The following NCKAP5 variants were observed in gnomAD, a reference collection of about 807,000 sequenced individuals.
NCKAP5 encodes nck-associated protein 5.
Under a neutral mutation model 167.0 loss-of-function variants are expected in NCKAP5, and 92 were observed. That is an observed-to-expected ratio of 0.55 (90% CI 0.47 to 0.66). NCKAP5 has a LOEUF of 0.66. Ranked by LOEUF, NCKAP5 falls within the 30% of genes least tolerant of loss-of-function variation. NCKAP5 has a pLI of 0.00. For synonymous variants in NCKAP5, 891 were observed against 877.4 expected (o/e 1.02, Z -0.27); for missense variants, 2,378 against 2,315.0 (o/e 1.03, Z -0.56).
intron 11 of NCKAP5, among the ~76,000 whole-genome samples, chr2:132,839,350 A>T (rs1236425355): frequency 1.3e-5 from 2 of 152,220 alleles, no homozygotes; most frequent in East Asian, 3.8e-4. Context: ...GTGGTACAAG[A>T]TAACCAGTTA....
At chr2:132,843,948 A>G (rs896104546) in intron 11 of NCKAP5, among the ~76,000 whole-genome samples, 3 of 151,966 alleles carry the variant, frequency 2.0e-5, no homozygotes, top group Admixed American at 2.0e-4. Flanking sequence ...CCTTTCCCCA[A>G]TCTGGTAGGT....
At position 133,372,718 on chromosome 2, in the gene NCKAP5, G is replaced by A. The variant is rs573570245; in HGVS notation, c.70-69608C>T. ...GTATAGTGGTAGATTTTAGGACCCAGATTTCTACCTCTTACAGAATGAGTA... is the reference window on the plus strand; with the variant it reads ...GTATAGTGGTAGATTTTAGGACCCAAATTTCTACCTCTTACAGAATGAGTA... On this transcript the variant is annotated intron_variant, in intron 3 of 19. Transcript: ENST00000409261. 2.0e-5 allele frequency among the ~76,000 whole-genome samples: 3 copies of A among 152,302 alleles called. No individual in the cohort carries two copies. In the South Asian group the frequency reaches 6.2e-4, roughly 32 times the overall value.
intron 8 of NCKAP5, among the ~76,000 whole-genome samples, chr2:132,945,384 G>A (rs1697633415): frequency 6.6e-6 from 1 of 152,156 alleles, no homozygotes; most frequent in Non-Finnish European, 1.5e-5. Context: ...ACAAGGGGAT[G>A]TGGCCACAGT....
At chr2:133,405,006 C>G (rs965780688) in intron 3 of NCKAP5, among the ~76,000 whole-genome samples, 1 of 152,194 alleles carries the variant, frequency 6.6e-6, no homozygotes, top group African/African-American at 2.4e-5. Flanking sequence ...GACCTAAACT[C>G]TCTAGTGTAG....
chr2:133,491,522 G>A (rs539822455), intron 3 of NCKAP5, among the ~76,000 whole-genome samples: 22 of 152,312 alleles, frequency 1.4e-4, no homozygotes, highest in African/African-American at 4.6e-4. Flanking sequence ...AGGAACAGCA[G>A]AGGGCAATGG....
intron 6 of NCKAP5, among the ~76,000 whole-genome samples, chr2:133,107,111 G>A (rs914125087): frequency 6.6e-6 from 1 of 152,048 alleles, no homozygotes; most frequent in African/African-American, 2.4e-5. Context: ...GAGTCAGAAG[G>A]GATCATCTAA....
At chr2:132,693,351 G>C (rs1259489975) in intron 19 of NCKAP5, among the ~76,000 whole-genome samples, 1 of 152,040 alleles carries the variant, frequency 6.6e-6, no homozygotes, top group African/African-American at 2.4e-5. Flanking sequence ...ATATAACTGG[G>C]GTCCTTATGA....
intron 5 of NCKAP5, among the ~76,000 whole-genome samples, chr2:133,132,632 A>C (rs1053740692): frequency 6.6e-6 from 1 of 151,916 alleles, no homozygotes. Flanking sequence ...TCAAAACTTG[A>C]CAATAATCCA....
chr2:133,613,384 C>A, the NCKAP5 span, among the ~76,000 whole-genome samples: 1 of 152,188 alleles, frequency 6.6e-6, no homozygotes, highest in Admixed American at 6.5e-5. Flanking sequence ...TATCCTCCAT[C>A]AGGATAAACT....
At chr2:133,155,408 C>T (rs1574209778) in intron 5 of NCKAP5, among the ~76,000 whole-genome samples, 1 of 152,278 alleles carries the variant, frequency 6.6e-6, no homozygotes, top group Non-Finnish European at 1.5e-5. Context: ...TAACTAGTTC[C>T]TGGGTGATGC....
chr2:133,484,880 A>G (rs1039824598), intron 3 of NCKAP5, among the ~76,000 whole-genome samples: 3 of 152,238 alleles, frequency 2.0e-5, no homozygotes, highest in Admixed American at 6.5e-5. Context: ...CAGTATGACC[A>G]TGGTATAATG....
intron 7 of NCKAP5, among the ~76,000 whole-genome samples, chr2:132,973,655 C>G: frequency 6.6e-6 from 1 of 151,830 alleles, no homozygotes; most frequent in South Asian, 2.1e-4. Flanking sequence ...TAGAAGATTC[C>G]CTGCATAATA....
rs116897515 is a variant in NCKAP5 at position 132,943,890 on chromosome 2, C to T, written c.579+19830G>A. Among the ~76,000 whole-genome samples, 241 of 152,330 alleles carry T rather than the reference C, an allele frequency of 1.6e-3. No individual in the cohort carries two copies. In the East Asian group the frequency reaches 0.026, roughly 16 times the overall value. On this transcript the variant is annotated intron_variant, in intron 8 of 19. Coordinates refer to ENST00000409261, the MANE Select transcript of NCKAP5 (RefSeq NM_207363.3). The stretch of plus-strand genomic sequence containing the variant: ...AGTTCAGAAACTGCAGACATGAGTA[C>T]GTAGCCTCCTGGGGCTGGGTGAAGT...
At chr2:133,478,021 A>G (rs1271417288) in intron 3 of NCKAP5, among the ~76,000 whole-genome samples, 6 of 152,206 alleles carry the variant, frequency 3.9e-5, no homozygotes, top group Admixed American at 3.3e-4. Context: ...GATTTATATG[A>G]CATTCATCCA....
chr2:133,505,484 T>A (rs919999973), intron 3 of NCKAP5, among the ~76,000 whole-genome samples: 17 of 152,192 alleles, frequency 1.1e-4, no homozygotes, highest in African/African-American at 4.1e-4. Flanking sequence ...CTGGTCCACA[T>A]GTTTCCAGGG....
chr2:133,586,906 T>C, the NCKAP5 span, among the ~76,000 whole-genome samples: 3 of 152,124 alleles, frequency 2.0e-5, no homozygotes, highest in Non-Finnish European at 4.4e-5. Flanking sequence ...GGCATTTGGA[T>C]CTACAGTTCT....
At chr2:133,190,423 A>G (rs2085160930) in intron 5 of NCKAP5, among the ~76,000 whole-genome samples, 1 of 152,112 alleles carries the variant, frequency 6.6e-6, no homozygotes, top group Non-Finnish European at 1.5e-5. Context: ...GGAAAAAACT[A>G]AAGTTCATAT....
At chr2:132,725,591 G>A (rs1690372215) in intron 19 of NCKAP5, 36 bp downstream of exon 19, 1 of 1,584,344 alleles carries the variant, frequency 6.3e-7, no homozygotes, top group Non-Finnish European at 8.6e-7. Flanking sequence ...CCCAGAGAGA[G>A]GAACCTGCAG....
chr2:133,067,965 C>T (rs536113244), intron 6 of NCKAP5, among the ~76,000 whole-genome samples: 3 of 152,190 alleles, frequency 2.0e-5, no homozygotes, highest in South Asian at 2.1e-4. Context: ...CATGAATTAT[C>T]GATTAGATAT....
Sources: allele counts gnomAD v4.1 joint callset (sites outside exome capture counted in the v4.1 genomes callset), GRCh38; gene constraint gnomAD v4.1.1; transcripts MANE v1.5; gene names NCBI Gene and HGNC (gene_info 2026-07-23, HGNC 2026-07-21).